Variants in GPD1L observed in about 807,000 individuals in gnomAD.
The protein encoded by GPD1L is glycerol-3-phosphate dehydrogenase 1-like protein.
In GPD1L, 17 loss-of-function variants were observed where a neutral mutation model predicts 32.9. The observed-to-expected ratio is 0.52, with a 90% CI of 0.35 to 0.78. GPD1L has a LOEUF of 0.78. Among genes scored for constraint, GPD1L ranks in the 30% least tolerant of loss-of-function variants. GPD1L has a pLI of 0.01. For missense variants in GPD1L, 361 were observed against 447.8 expected (o/e 0.81, Z 1.75); for synonymous variants, 187 against 165.9 (o/e 1.13, Z -0.98).
At chr3:32,143,332 C>T (rs1184016941) in intron 4 of GPD1L, among the ~76,000 whole-genome samples, 3 of 152,148 alleles carry the variant, frequency 2.0e-5, no homozygotes, top group African/African-American at 7.2e-5. Flanking sequence ...CTCATGGGAT[C>T]CTCCTGCCTC....
intron 1 of GPD1L, among the ~76,000 whole-genome samples, chr3:32,121,039 A>G (rs1392352721): frequency 6.6e-6 from 1 of 151,962 alleles, no homozygotes; most frequent in Non-Finnish European, 1.5e-5. Context: ...GTTAAAAGGG[A>G]TACTGTGGGT....
chr3:32,138,927 G>A (rs2125485409), intron 3 of GPD1L, among the ~76,000 whole-genome samples, 200 bp downstream of exon 3: 1 of 152,190 alleles, frequency 6.6e-6, no homozygotes, highest in East Asian at 1.9e-4. Flanking sequence ...TTCCATTGCA[G>A]CAGACTAGCA....
At chr3:32,142,239 C>T (rs6550096) in intron 4 of GPD1L, among the ~76,000 whole-genome samples, 3,673 of 152,178 alleles carry the variant, frequency 0.024, 145 homozygotes, top group African/African-American at 0.084. Flanking sequence ...CTGCCTCAGC[C>T]TCCCAAGTAG....
At chr3:32,110,198 G>C (rs907567422) in intron 1 of GPD1L, among the ~76,000 whole-genome samples, 1 of 152,198 alleles carries the variant, frequency 6.6e-6, no homozygotes, top group African/African-American at 2.4e-5. Context: ...GATTACAGGC[G>C]TAAGCCACTG....
At chr3:32,136,833 A>G (rs1700670230) in intron 2 of GPD1L, among the ~76,000 whole-genome samples, 1 of 152,140 alleles carries the variant, frequency 6.6e-6, no homozygotes, top group South Asian at 2.1e-4. Context: ...TAAGTTACCA[A>G]GGTTTTCAGC....
intron 1 of GPD1L, among the ~76,000 whole-genome samples, chr3:32,115,153 CCATTTTACAGAGTGCTGATTGATG>C (rs1240126670): frequency 1.3e-5 from 2 of 152,030 alleles, no homozygotes; most frequent in Non-Finnish European, 2.9e-5. Flanking sequence ...GCTGATTGGT[CCATTTTACAGAGTGCTGATTGATG>C]CATTTTATAG....
chr3:32,153,901 T>C (rs557073413), intron 5 of GPD1L, among the ~76,000 whole-genome samples: 1 of 152,294 alleles, frequency 6.6e-6, no homozygotes, highest in East Asian at 1.9e-4. Context: ...TGCCTCTGAG[T>C]ATTCCGTCAC....
At chr3:32,163,473 G>A (rs1355189423) in intron 7 of GPD1L, among the ~76,000 whole-genome samples, 4 of 152,086 alleles carry the variant, frequency 2.6e-5, no homozygotes, top group Non-Finnish European at 5.9e-5. Flanking sequence ...CAGGCCTCTG[G>A]TTTGTCATTT....
In GPD1L at chr3:32,124,502, G is replaced by T. The variant is rs114882349; in HGVS notation, c.48-3574G>T. Among the ~76,000 whole-genome samples the T allele has an allele frequency of 9.3e-3, 1,417 of 152,320 alleles. 11 individuals are homozygous for T. Among genetic ancestry groups the T allele is most frequent in the Non-Finnish European group, 0.015 (998 of 68,024 alleles). On this transcript the variant is annotated intron_variant, in intron 1 of 7. Transcript: ENST00000282541. ...CTGCTCTTTCACATTGGTCAGAAGA[G>T]GTAACACTTGGGACAAATGCATCTA...
chr3:32,115,835 T>C (rs60387560), intron 1 of GPD1L, among the ~76,000 whole-genome samples: 36,915 of 99,990 alleles, frequency 0.37, 10,687 homozygotes, highest in African/African-American at 0.7. Flanking sequence ...GTTGCACAGG[T>C]TGGAGTGCAG....
At chr3:32,126,299 A>G (rs1700507189) in intron 1 of GPD1L, among the ~76,000 whole-genome samples, 1 of 152,236 alleles carries the variant, frequency 6.6e-6, no homozygotes, top group Non-Finnish European at 1.5e-5. Flanking sequence ...GGCTTCCCCA[A>G]GAGGCAGCTG....
intron 5 of GPD1L, among the ~76,000 whole-genome samples, chr3:32,151,600 C>T (rs1700920704): frequency 6.6e-6 from 1 of 152,192 alleles, no homozygotes; most frequent in Admixed American, 6.5e-5. Context: ...CCGCCTCAGC[C>T]TTCTGAGTAA....
chr3:32,106,729 GA>G lies in GPD1L; in HGVS notation c.21del (p.Val8CysfsTer16). The G allele has an allele frequency of 6.4e-7, 1 of 1,564,046 alleles. No individual in the cohort carries two copies. The highest frequency in any genetic ancestry group is 1.2e-5 in the South Asian group (1 of 85,926). Reference sequence around the variant, plus strand: ...GCCCGGCCATGGCAGCGGCGCCCCTGAAAGTGTGCATCGTGGGCTCGGGGAA... The same window carrying G: ...GCCCGGCCATGGCAGCGGCGCCCCTGAAGTGTGCATCGTGGGCTCGGGGAA... MAAAPL[K>X]VCIVGSGNWG... is the part of the protein sequence containing the mutation. On this transcript the variant is annotated frameshift_variant, in exon 1 of 8. Coordinates refer to ENST00000282541, the MANE Select transcript of GPD1L (RefSeq NM_015141.4). LOFTEE classifies it high-confidence loss of function. This position sits in a 1 kb window ranked among gnomAD's most constrained non-coding sequence, Gnocchi z 4.0.
Position 32,159,121 on chromosome 3 carries a change from C to T in GPD1L, c.852+12C>T. On this transcript the variant is annotated intron_variant, in intron 6 of 7. Coordinates refer to ENST00000282541, the MANE Select transcript of GPD1L (RefSeq NM_015141.4). The stretch of plus-strand genomic sequence containing the variant: ...CCAGAACTGGGAAGGTAGCCCCTCA[C>T]CTGCTCTCCCGCACCCCCTCCTTCC... 2 of 1,594,208 alleles carry T rather than the reference C, an allele frequency of 1.3e-6. No homozygotes were observed. The highest frequency in any genetic ancestry group is 1.1e-5 in the South Asian group (1 of 90,668).
chr3:32,133,676 G>C (rs919597324), intron 2 of GPD1L, among the ~76,000 whole-genome samples: 3 of 152,122 alleles, frequency 2.0e-5, no homozygotes, highest in Non-Finnish European at 4.4e-5. Context: ...AGTCCTAATT[G>C]GTTTTAAAGA....
intron 1 of GPD1L, among the ~76,000 whole-genome samples, chr3:32,119,929 A>G (rs1700385043): frequency 6.6e-6 from 1 of 152,184 alleles, no homozygotes. Flanking sequence ...GCCTCAAAGA[A>G]ATTCATCAGG....
At chr3:32,155,512 G>C (rs1700975699) in intron 5 of GPD1L, among the ~76,000 whole-genome samples, 1 of 152,158 alleles carries the variant, frequency 6.6e-6, no homozygotes, top group African/African-American at 2.4e-5. Flanking sequence ...GGTTCATGTT[G>C]TGATGGAGGG....
intron 7 of GPD1L, among the ~76,000 whole-genome samples, chr3:32,165,351 A>G (rs1410554819): frequency 1.3e-5 from 2 of 152,352 alleles, no homozygotes; most frequent in South Asian, 4.1e-4. Flanking sequence ...GTGGGTCCTC[A>G]CTCGGATTCT....
intron 4 of GPD1L, 111 bp downstream of exon 4, chr3:32,140,477 A>C (rs1023872415): frequency 1.5e-6 from 2 of 1,295,112 alleles, no homozygotes; most frequent in East Asian, 4.7e-5. Flanking sequence ...CCCTCTTAAC[A>C]TTCCTTAGTT....
Sources: allele counts gnomAD v4.1 joint callset (sites outside exome capture counted in the v4.1 genomes callset), GRCh38; gene constraint gnomAD v4.1.1; non-coding constraint Gnocchi (gnomAD v3.1); transcripts MANE v1.5; gene names NCBI Gene and HGNC (gene_info 2026-07-23, HGNC 2026-07-21).